OIT3: variants seen among roughly 807,000 people sequenced by gnomAD.
OIT3 encodes the protein oncoprotein-induced transcript 3 protein.
In OIT3, 41 loss-of-function variants were observed where a neutral mutation model predicts 52.2. The observed-to-expected ratio is 0.79, with a 90% CI of 0.61 to 1.02. OIT3 has a LOEUF of 1.02. OIT3 is among the 50% of genes least tolerant of loss of function. The pLI, the probability that OIT3 is intolerant of heterozygous loss-of-function variation, is 0.00. For missense variants in OIT3, 634 were observed against 715.5 expected (o/e 0.89, Z 1.30); for synonymous variants, 244 against 276.9 (o/e 0.88, Z 1.18).
chr10:72,914,884 T>C (rs2132939562), intron 6 of OIT3, among the ~76,000 whole-genome samples: 1 of 152,258 alleles, frequency 6.6e-6, no homozygotes, highest in Admixed American at 6.5e-5. Context: ...TTTTTTAAAT[T>C]TTGAGATGGA....
At chr10:72,922,650 C>T (rs114358225) in intron 6 of OIT3, among the ~76,000 whole-genome samples, 12 of 152,146 alleles carry the variant, frequency 7.9e-5, no homozygotes, top group African/African-American at 1.4e-4. Context: ...CAGCGAAGTT[C>T]GTTTTTATCC....
chr10:72,902,754 GACTT>G (rs377270341), intron 3 of OIT3, among the ~76,000 whole-genome samples: 20 of 152,216 alleles, frequency 1.3e-4, no homozygotes, highest in African/African-American at 3.6e-4. Context: ...GATTTCGTGA[GACTT>G]ACTTACTACC....
chr10:72,920,644 A>T (rs1285986729), intron 6 of OIT3, among the ~76,000 whole-genome samples: 1 of 152,084 alleles, frequency 6.6e-6, no homozygotes, highest in African/African-American at 2.4e-5. Context: ...TGTTTTCATT[A>T]GTTTCAAAGA....
rs145111141 is a variant in OIT3 at position 72,905,891 on chromosome 10, G to A, written c.545-705G>A. On this transcript the variant is annotated intron_variant, in intron 3 of 8. Transcript: ENST00000334011. Reference sequence around the variant, plus strand: ...GGCCAAGGTCATGCCTCCTGTCATCGCATGGGTGTTTAACCCCAGTCCTTG... The same window carrying A: ...GGCCAAGGTCATGCCTCCTGTCATCACATGGGTGTTTAACCCCAGTCCTTG... 3.3e-5 allele frequency among the ~76,000 whole-genome samples: 5 copies of A among 152,210 alleles called. No individual in the cohort carries two copies. The East Asian group carries it at 5.8e-4, about 18-fold the overall frequency.
rs1278305161 is a variant in OIT3, at chr10:72,933,004, G to GTA, written c.*482_*483dup. 2.6e-5 allele frequency: 4 copies of GTA among 152,910 alleles called. No individual in the cohort carries two copies. Among genetic ancestry groups the GTA allele is most frequent in the African/African-American group, 9.6e-5 (4 of 41,458 alleles). 9.5% of individuals were successfully genotyped at this position (152,910 alleles called of 1,614,324 possible). A position where few individuals can be genotyped will look rare whatever the true frequency, so the allele number is the denominator to read the frequency against. ...GACTAATTATAGGGAATTTGGAAGT[G>GTA]TATCAATAAAACAGTATATAATTTT... On this transcript the variant is annotated 3_prime_UTR_variant, in exon 9 of 9. Coordinates refer to ENST00000334011, the MANE Select transcript of OIT3 (RefSeq NM_152635.3).
chr10:72,930,206 A>G (rs1481135287), intron 7 of OIT3, among the ~76,000 whole-genome samples: 1 of 152,222 alleles, frequency 6.6e-6, no homozygotes, highest in African/African-American at 2.4e-5. Flanking sequence ...ATATATTGCA[A>G]ATGGAAAGAC....
chr10:72,923,489 A>G (rs1461979730), intron 6 of OIT3, among the ~76,000 whole-genome samples: 1 of 152,164 alleles, frequency 6.6e-6, no homozygotes, highest in Non-Finnish European at 1.5e-5. Context: ...TTCATAGAGC[A>G]ACTGAACTGT....
In OIT3 at chr10:72,932,408, C is replaced by A; in HGVS notation, c.1522C>A (p.Arg508Ser). The A allele has an allele frequency of 6.2e-7, 1 of 1,614,176 alleles. No individual in the cohort carries two copies. The highest frequency in any genetic ancestry group is 8.5e-7 in the Non-Finnish European group (1 of 1,180,010). Residue 508 changes from arginine (R) to serine (S), a missense_variant, in exon 9 of 9, where the codon CGC becomes AGC. Physicochemically the swap from Arg to Ser is moderately radical, Grantham distance 110. Transcript: ENST00000334011. ...LVCGVLDERS[R>S]CAQGCHRRMR... ...CTGTGGAGTGTTGGACGAGCGTTCC[C>A]GCTGTGCCCAGGGTTGCCACCGGCG...
In OIT3 at chr10:72,906,627, C is replaced by T; in HGVS notation, c.576C>T (p.Gly192=). ...ATGAATGTGAGCAAAACAACGGTGGCTGCAGTGAGATCTGTGTGAACCTCA... is the reference window on the plus strand; with the variant it reads ...ATGAATGTGAGCAAAACAACGGTGGTTGCAGTGAGATCTGTGTGAACCTCA... The part of the protein sequence containing the change: ...DENECEQNNG[G]CSEICVNLKN... The change falls in exon 4 of 9, where the codon GGC becomes GGT. Residue 192 remains glycine (G), a synonymous_variant. Coordinates refer to ENST00000334011, the MANE Select transcript of OIT3 (RefSeq NM_152635.3). 3 of 1,613,874 alleles carry T rather than the reference C, an allele frequency of 1.9e-6. No individual in the cohort carries two copies. The highest frequency in any genetic ancestry group is 2.5e-6 in the Non-Finnish European group (3 of 1,179,874).
chr10:72,905,908 C>T (rs1303667448), intron 3 of OIT3, among the ~76,000 whole-genome samples: 1 of 152,186 alleles, frequency 6.6e-6, no homozygotes, highest in African/African-American at 2.4e-5. Flanking sequence ...TGTTTAACCC[C>T]AGTCCTTGGT....
chr10:72,904,804 A>G (rs1263121028), intron 3 of OIT3, among the ~76,000 whole-genome samples: 1 of 151,948 alleles, frequency 6.6e-6, no homozygotes, highest in Non-Finnish European at 1.5e-5. Flanking sequence ...GTAGGACACC[A>G]CTCGTGTCAT....
Position 72,930,589 on chromosome 10 carries a change from A to G in OIT3, c.1419A>G (p.Ala473=), listed in dbSNP as rs1447257853. 1.2e-6 allele frequency: 2 copies of G among 1,613,740 alleles called. No homozygotes were observed. Among genetic ancestry groups the G allele is most frequent in the Non-Finnish European group, 1.7e-6 (2 of 1,179,908 alleles). The change falls in exon 8 of 9, where the codon GCA becomes GCG. Residue 473 remains alanine, a synonymous_variant. Transcript: ENST00000334011. Reference sequence around the variant, plus strand: ...AGTACACATCCCGGGATCACCTAGCAAAGCACTTCCAGGTCCCTGTCTTCA... The same window carrying G: ...AGTACACATCCCGGGATCACCTAGCGAAGCACTTCCAGGTCCCTGTCTTCA... ...VKQYTSRDHL[A]KHFQVPVFKF...
chr10:72,905,021 G>T (rs1845966388), intron 3 of OIT3, among the ~76,000 whole-genome samples: 1 of 152,164 alleles, frequency 6.6e-6, no homozygotes, highest in Non-Finnish European at 1.5e-5. Flanking sequence ...GAGTGAGAAG[G>T]GGGAGGTGGC....
chr10:72,932,063 G>T (rs190924124), intron 8 of OIT3, among the ~76,000 whole-genome samples: 118 of 152,290 alleles, frequency 7.7e-4, no homozygotes, highest in Admixed American at 3.3e-3. Flanking sequence ...CTTCACAAAG[G>T]TCTCTTCTGT....
chr10:72,917,231 T>C (rs1846080544), intron 6 of OIT3, among the ~76,000 whole-genome samples: 1 of 152,214 alleles, frequency 6.6e-6, no homozygotes, highest in African/African-American at 2.4e-5. Context: ...ATGAAATCTT[T>C]GCTTGTGCCT....
chr10:72,914,511 C>T (rs1270920255), intron 6 of OIT3, among the ~76,000 whole-genome samples: 1 of 152,144 alleles, frequency 6.6e-6, no homozygotes, highest in African/African-American at 2.4e-5. Flanking sequence ...AAGGAGCAGG[C>T]GGTCCCACTT....
At chr10:72,901,118 AT>A (rs1215787843) in intron 3 of OIT3, among the ~76,000 whole-genome samples, 7 of 152,092 alleles carry the variant, frequency 4.6e-5, no homozygotes, top group Non-Finnish European at 7.4e-5. Context: ...AAGTGAAAAT[AT>A]TTTGCATATA....
chr10:72,911,635 T>A, intron 4 of OIT3, 82 bp from the exon 5 acceptor site: 1 of 1,477,784 alleles, frequency 6.8e-7, no homozygotes, highest in East Asian at 2.3e-5. Context: ...ATAAGTTAAG[T>A]ATAATCCCTG....
chr10:72,908,249 A>AG (rs1333451530), intron 4 of OIT3, among the ~76,000 whole-genome samples: 1 of 152,126 alleles, frequency 6.6e-6, no homozygotes, highest in Non-Finnish European at 1.5e-5. Flanking sequence ...CTAAAAAAAA[A>AG]AATCCCATCA....
Sources: allele counts gnomAD v4.1 joint callset (sites outside exome capture counted in the v4.1 genomes callset), GRCh38; gene constraint gnomAD v4.1.1; transcripts MANE v1.5; gene names NCBI Gene and HGNC (gene_info 2026-07-23, HGNC 2026-07-21).